Variants in DMD observed in about 807,000 individuals in gnomAD.
DMD encodes the protein dystrophin.
In DMD, 63 loss-of-function variants were observed where a neutral mutation model predicts 330.1. That is an observed-to-expected ratio of 0.19 (90% CI 0.16 to 0.24). The LOEUF (loss-of-function observed/expected upper bound fraction) is 0.24, where lower values mean the gene tolerates loss of function less well. DMD is among the 10% of genes least tolerant of loss of function. The pLI, the probability that DMD is intolerant of heterozygous loss-of-function variation, is 1.00. For synonymous variants in DMD, 1,223 were observed against 959.8 expected (o/e 1.27, Z -5.07); for missense variants, 3,344 against 2,684.1 (o/e 1.25, Z -5.43).
At chrX:31,846,102 G>T (rs1387985095) in intron 48 of DMD, among the ~76,000 whole-genome samples, 1 of 110,272 alleles carries the variant, frequency 9.1e-6, no homozygotes, top group Non-Finnish European at 1.9e-5. Context: ...ACCCAAAATA[G>T]AAGTGAGGAG....
intron 1 of DMD, among the ~76,000 whole-genome samples, chrX:33,282,583 G>A (rs73459980): frequency 0.065 from 7,275 of 111,591 alleles, 297 homozygotes; most frequent in African/African-American, 0.15. Flanking sequence ...TTCCGAGGTT[G>A]GGCCACTTGC....
In DMD at chrX:32,867,558, T is replaced by C. The variant is rs2082613535; in HGVS notation, c.94-17738A>G. ...TAGAAGTTTTTACCAAGAGCTTTAT[T>C]ACATAACTACAAAAGGTACCTAATT... On this transcript the variant is annotated intron_variant, in intron 2 of 78. Transcript: ENST00000357033. Among the ~76,000 whole-genome samples, 5 of 112,194 alleles carry C rather than the reference T, an allele frequency of 4.5e-5. No individual in the cohort carries two copies. The Admixed American group carries it at 4.7e-4, about 11-fold the overall frequency.
intron 11 of DMD, chrX:32,641,644 A>C (rs2146775745): frequency 6.5e-6 from 1 of 154,286 alleles, no homozygotes; most frequent in Non-Finnish European, 1.5e-5. Flanking sequence ...TATTTACAAG[A>C]AGTTTTTAAC....
chrX:32,193,633 G>A (rs1016328618), intron 44 of DMD, among the ~76,000 whole-genome samples: 3 of 110,720 alleles, frequency 2.7e-5, no homozygotes, highest in Non-Finnish European at 5.7e-5. Context: ...GGAGGGAGAC[G>A]GTAGGTATTA....
At chrX:32,065,737 A>C (rs945890731) in intron 44 of DMD, among the ~76,000 whole-genome samples, 2 of 111,888 alleles carry the variant, frequency 1.8e-5, no homozygotes, top group African/African-American at 6.5e-5. Context: ...AATGGTAATA[A>C]AATTGAGCAA....
At position 33,038,676 on chromosome X, in the gene DMD, T is replaced by G. The variant is rs905933211; in HGVS notation, c.32-18476A>C. On this transcript the variant is annotated intron_variant, in intron 1 of 78. Coordinates refer to ENST00000357033, the MANE Select transcript of DMD (RefSeq NM_004006.3). ...TGACAGTAGATATGTGAATTTTGAC[T>G]GAAAAGTTTTGTAAAACTTGAGAAA... Among the ~76,000 whole-genome samples, 35 of 112,063 alleles carry G rather than the reference T, an allele frequency of 3.1e-4. 2 individuals are homozygous for G. The highest frequency in any genetic ancestry group is 2.8e-3 in the Admixed American group (30 of 10,528).
intron 60 of DMD, among the ~76,000 whole-genome samples, chrX:31,438,763 G>T (rs930237684): frequency 1.0e-4 from 11 of 110,489 alleles, no homozygotes; most frequent in African/African-American, 3.6e-4. Flanking sequence ...ATTAGTACAG[G>T]ATCATTAAAA....
At chrX:32,773,504 T>C (rs1459363269) in intron 7 of DMD, among the ~76,000 whole-genome samples, 12 of 88,053 alleles carry the variant, frequency 1.4e-4, no homozygotes, top group African/African-American at 4.7e-4. Context: ...TCTATCTAAC[T>C]ATATACTTTT....
intron 52 of DMD, among the ~76,000 whole-genome samples, chrX:31,706,877 G>A (rs2084237836): frequency 8.9e-6 from 1 of 111,978 alleles, no homozygotes; most frequent in Non-Finnish European, 1.9e-5. Flanking sequence ...TACAGTTTGG[G>A]TAATAGCTTT....
intron 55 of DMD, among the ~76,000 whole-genome samples, chrX:31,520,743 G>A (rs1021745446): frequency 3.6e-5 from 4 of 110,155 alleles, no homozygotes; most frequent in African/African-American, 6.6e-5. Context: ...GCAGTGGCGC[G>A]ATCTCGGCTC....
intron 44 of DMD, among the ~76,000 whole-genome samples, chrX:32,016,471 A>G (rs944016581): frequency 1.2e-4 from 13 of 111,972 alleles, no homozygotes; most frequent in Non-Finnish European, 1.9e-5. Flanking sequence ...ACCTCCCCAC[A>G]AAGCACAAGC....
At chrX:32,460,049 T>C (rs1252847516) in intron 25 of DMD, among the ~76,000 whole-genome samples, 3 of 110,472 alleles carry the variant, frequency 2.7e-5, no homozygotes, top group Non-Finnish European at 5.7e-5. Context: ...TGTGATGGGA[T>C]TCAAAAATGG....
intron 47 of DMD, 128 bp downstream of exon 47, chrX:31,929,468 A>G: frequency 1.2e-6 from 1 of 837,533 alleles, no homozygotes; most frequent in Non-Finnish European, 1.7e-6. Context: ...TCAGGTTAAA[A>G]AAACAAAACA....
intron 1 of DMD, among the ~76,000 whole-genome samples, chrX:33,332,302 C>T (rs1034775023): frequency 8.9e-6 from 1 of 111,945 alleles, no homozygotes; most frequent in African/African-American, 3.2e-5. Context: ...TATAAAATGA[C>T]ATTTGAGATG....
At position 32,616,731 on chromosome X, in the gene DMD, C is replaced by T. The variant is rs994901122; in HGVS notation, c.1332-2278G>A. Among the ~76,000 whole-genome samples, 51 of 72,516 alleles carry T rather than the reference C, an allele frequency of 7.0e-4. 1 individual carries two copies. The highest frequency in any genetic ancestry group is 2.7e-3 in the African/African-American group (46 of 17,153). 63.0% of individuals were successfully genotyped at this position (72,516 alleles called of 115,157 possible). A position where few individuals can be genotyped will look rare whatever the true frequency, so the allele number is the denominator to read the frequency against. On this transcript the variant is annotated intron_variant, in intron 11 of 78. Coordinates refer to ENST00000357033, the MANE Select transcript of DMD (RefSeq NM_004006.3). ...TTTTTTTTTTCTTTAAAGAATGTTA[C>T]TGAAACCCAAGATCCTGTTGCTAGG...
intron 44 of DMD, among the ~76,000 whole-genome samples, chrX:32,111,349 G>A (rs1030562630): frequency 9.0e-6 from 1 of 111,603 alleles, no homozygotes; most frequent in Non-Finnish European, 1.9e-5. Context: ...TTTTATAAGC[G>A]CTATCCCTTC....
At position 32,043,222 on chromosome X, in the gene DMD, A is replaced by C. The variant is rs367876337; in HGVS notation, c.6439-74708T>G. 2.7e-5 allele frequency among the ~76,000 whole-genome samples: 3 copies of C among 112,147 alleles called. No individual in the cohort carries two copies. The East Asian group carries it at 8.4e-4, about 32-fold the overall frequency. On this transcript the variant is annotated intron_variant, in intron 44 of 78. Coordinates refer to ENST00000357033, the MANE Select transcript of DMD (RefSeq NM_004006.3). The stretch of plus-strand genomic sequence containing the variant: ...TTGAAAGAAAAAACTTAAAAGAAAA[A>C]TGGAAATGCTCTAAGAGATGACGAC...
chrX:33,236,567 T>G (rs2052489047), intron 1 of DMD, among the ~76,000 whole-genome samples: 3 of 111,296 alleles, frequency 2.7e-5, no homozygotes. Flanking sequence ...GTCCGGACTC[T>G]CCTTCCTCTT....
At chrX:32,033,768 G>T (rs192601996) in intron 44 of DMD, among the ~76,000 whole-genome samples, 4 of 111,739 alleles carry the variant, frequency 3.6e-5, no homozygotes, top group African/African-American at 9.7e-5. Context: ...CATTATGATT[G>T]TATAATTGTC....
Sources: allele counts gnomAD v4.1 joint callset (sites outside exome capture counted in the v4.1 genomes callset), GRCh38; gene constraint gnomAD v4.1.1; transcripts MANE v1.5; gene names NCBI Gene and HGNC (gene_info 2026-07-23, HGNC 2026-07-21).